PUDP: variants seen among roughly 807,000 people sequenced by gnomAD.
PUDP encodes pseudouridine 5'-phosphatase, also known as pseudouridine-5'-phosphatase.
PUDP carries 8 observed loss-of-function variants against 9.4 expected under a neutral mutation model. That is an observed-to-expected ratio of 0.85 (90% CI 0.50 to 1.53). The LOEUF (loss-of-function observed/expected upper bound fraction) is 1.53, where lower values mean the gene tolerates loss of function less well. Among genes scored for constraint, PUDP ranks in the 40% most tolerant of loss-of-function variants. PUDP has a pLI of 0.00. For synonymous variants in PUDP, 99 were observed against 80.7 expected (o/e 1.23, Z -1.22); for missense variants, 188 against 189.7 (o/e 0.99, Z 0.05).
chrX:6,751,388 A>G (rs1925081061), intron 3 of PUDP, among the ~76,000 whole-genome samples: 1 of 111,545 alleles, frequency 9.0e-6, no homozygotes, highest in South Asian at 3.8e-4. Context: ...CTGGTTTTCA[A>G]TAAAGAAATC....
At chrX:6,908,985 G>A (rs972618824) in intron 3 of PUDP, among the ~76,000 whole-genome samples, 4 of 110,914 alleles carry the variant, frequency 3.6e-5, no homozygotes, top group Non-Finnish European at 7.6e-5. Context: ...ATGAGAGCTT[G>A]GGAGTCTCTA....
At chrX:7,068,361 G>A (rs1283282601) in intron 3 of PUDP, among the ~76,000 whole-genome samples, 1 of 111,868 alleles carries the variant, frequency 8.9e-6, no homozygotes, top group Non-Finnish European at 1.9e-5. Flanking sequence ...GTGTGAATCT[G>A]TTTCTTTACC....
intron 3 of PUDP, among the ~76,000 whole-genome samples, chrX:7,069,105 G>C (rs956315941): frequency 8.9e-6 from 1 of 111,933 alleles, no homozygotes; most frequent in African/African-American, 3.2e-5. Flanking sequence ...TCCTGGGTGA[G>C]AGGAAGTGCA....
At chrX:6,917,222 C>T (rs1365639957) in intron 3 of PUDP, among the ~76,000 whole-genome samples, 2 of 110,762 alleles carry the variant, frequency 1.8e-5, no homozygotes, top group African/African-American at 6.6e-5. Context: ...AAAAAATTAG[C>T]CAGGCATTGT....
intron 3 of PUDP, among the ~76,000 whole-genome samples, chrX:6,806,904 G>A (rs1432775041): frequency 5.3e-5 from 6 of 112,382 alleles, no homozygotes; most frequent in Non-Finnish European, 9.4e-5. Context: ...ATTCTCAAGA[G>A]AGATATGAAT....
At chrX:7,065,165 GAAAAAAC>G (rs2146851947) in intron 3 of PUDP, among the ~76,000 whole-genome samples, 1 of 111,322 alleles carries the variant, frequency 9.0e-6, no homozygotes, top group Non-Finnish European at 1.9e-5. Flanking sequence ...ACCAAAAAAA[GAAAAAAC>G]AAAAAACAAA....
intron 1 of PUDP, among the ~76,000 whole-genome samples, chrX:6,995,447 G>C (rs757841996): frequency 9.0e-6 from 1 of 111,456 alleles, no homozygotes; most frequent in Non-Finnish European, 1.9e-5. Context: ...AAGGAGGCTG[G>C]GCATGGTGGC....
At chrX:6,977,307 G>A (rs771046161) in intron 2 of PUDP, among the ~76,000 whole-genome samples, 45 of 111,344 alleles carry the variant, frequency 4.0e-4, no homozygotes, top group Admixed American at 1.1e-3. Flanking sequence ...GGTGACTGCT[G>A]GAATCATCTA....
intron 1 of PUDP, among the ~76,000 whole-genome samples, chrX:6,985,597 G>A (rs1231798719): frequency 9.0e-6 from 1 of 111,319 alleles, no homozygotes; most frequent in African/African-American, 3.3e-5. Context: ...GTTACATTCC[G>A]GCCTTTGTAT....
chrX:7,068,356 A>C (rs1256548839), intron 3 of PUDP, among the ~76,000 whole-genome samples: 1 of 111,911 alleles, frequency 8.9e-6, no homozygotes, highest in African/African-American at 3.2e-5. Context: ...CCTTGGTGTG[A>C]ATCTGTTTCT....
At chrX:7,138,087 G>A (rs989904794) in intron 1 of PUDP, among the ~76,000 whole-genome samples, 1 of 112,069 alleles carries the variant, frequency 8.9e-6, no homozygotes, top group Non-Finnish European at 1.9e-5. Flanking sequence ...AGAGGCAGCT[G>A]ACCTGTGTCC....
chrX:6,840,509 C>T (rs973873594), intron 3 of PUDP, among the ~76,000 whole-genome samples: 9 of 112,278 alleles, frequency 8.0e-5, no homozygotes, highest in Admixed American at 7.5e-4. Context: ...AGGCTACATA[C>T]TATATGATTT....
intron 1 of PUDP, among the ~76,000 whole-genome samples, chrX:7,012,944 G>T (rs1033868931): frequency 6.3e-5 from 7 of 110,824 alleles, no homozygotes; most frequent in African/African-American, 2.3e-4. Context: ...TAGTGGGGGT[G>T]GGGGGTGTAA....
At chrX:7,126,783 C>T (rs1389360362) in intron 1 of PUDP, among the ~76,000 whole-genome samples, 1 of 111,093 alleles carries the variant, frequency 9.0e-6, no homozygotes, top group Admixed American at 9.6e-5. Context: ...TGACTCAGCC[C>T]GTAACACTGG....
chrX:6,892,674 C>T (rs1437820308), intron 3 of PUDP, among the ~76,000 whole-genome samples: 5 of 111,545 alleles, frequency 4.5e-5, no homozygotes, highest in Non-Finnish European at 1.9e-5. Flanking sequence ...GAGCCCTAAC[C>T]TTCAGTGTGG....
chrX:6,866,258 T>G (rs892209378), intron 3 of PUDP, among the ~76,000 whole-genome samples: 20 of 82,811 alleles, frequency 2.4e-4, no homozygotes, highest in East Asian at 8.2e-4. Context: ...AAATTTATGG[T>G]TTTTTTTTTT....
At chrX:7,109,365 C>T (rs973679298) in intron 1 of PUDP, among the ~76,000 whole-genome samples, 1 of 111,876 alleles carries the variant, frequency 8.9e-6, no homozygotes, top group South Asian at 3.7e-4. Flanking sequence ...AAGTGAGACA[C>T]CACTGTCGGG....
At chrX:6,789,984 T>G (rs1490695942) in intron 3 of PUDP, among the ~76,000 whole-genome samples, 2 of 17,329 alleles carry the variant, frequency 1.2e-4, no homozygotes, top group East Asian at 2.0e-3. Context: ...ATCATAGAGA[T>G]AGATAGAGTA....
At chrX:6,784,236 T>G (rs1181527900) in intron 3 of PUDP, among the ~76,000 whole-genome samples, 2 of 111,901 alleles carry the variant, frequency 1.8e-5, no homozygotes, top group Admixed American at 1.9e-4. Flanking sequence ...CATCTTCTGG[T>G]CACTGGATCA....
Sources: allele counts gnomAD v4.1 joint callset (sites outside exome capture counted in the v4.1 genomes callset), GRCh38; gene constraint gnomAD v4.1.1; transcripts MANE v1.5; gene names NCBI Gene and HGNC (gene_info 2026-07-23, HGNC 2026-07-21).